The following RTF1 variants were observed in gnomAD, a reference collection of about 807,000 sequenced individuals.
RTF1 encodes the protein RNA polymerase-associated protein RTF1 homolog.
A neutral mutation model predicts 95.7 loss-of-function variants in RTF1; 10 were observed. The observed-to-expected ratio is 0.10, with a 90% confidence interval of 0.06 to 0.18. The LOEUF (loss-of-function observed/expected upper bound fraction) is 0.18. Among genes scored for constraint, RTF1 ranks in the 10% least tolerant of loss-of-function variants. The pLI is 1.00. For synonymous variants in RTF1, 305 were observed against 311.8 expected (o/e 0.98, Z 0.23); for missense variants, 458 against 875.6 (o/e 0.52, Z 6.02).
chr15:41,478,898 C>T, intron 15 of RTF1: 1 of 602,550 alleles, frequency 1.7e-6, no homozygotes, highest in Non-Finnish European at 2.9e-6. Context: ...TGTCCCTTAG[C>T]TAGGGCCTGG....
intron 1 of RTF1, among the ~76,000 whole-genome samples, chr15:41,427,229 G>T (rs1232779378): frequency 7.0e-6 from 1 of 143,262 alleles, no homozygotes; most frequent in African/African-American, 2.6e-5. Flanking sequence ...TCGGCTCACT[G>T]CAAGCTCCGC....
intron 2 of RTF1, among the ~76,000 whole-genome samples, chr15:41,447,288 A>C (rs2050768585): frequency 1.3e-5 from 2 of 152,136 alleles, no homozygotes; most frequent in African/African-American, 4.8e-5. Flanking sequence ...TCCTGCCTTC[A>C]TCATGCTCAA....
chr15:41,429,892 C>T (rs546099393), intron 1 of RTF1, among the ~76,000 whole-genome samples: 1 of 152,044 alleles, frequency 6.6e-6, no homozygotes, highest in South Asian at 2.1e-4. Context: ...TGTTTCTTTA[C>T]TTGTTCATTG....
chr15:41,470,122 C>A lies in RTF1; in HGVS notation c.890-135C>A, dbSNP rs988350852. On this transcript the variant is annotated intron_variant, in intron 6 of 17. Coordinates refer to ENST00000389629, the MANE Select transcript of RTF1 (RefSeq NM_015138.5). ...TGTTTTAACTCATTTCTGTATATAC[C>A]CCAAGTTAGCACAATCCAGTCTAGA... 9.4e-5 allele frequency: 83 copies of A among 882,568 alleles called. No individual in the cohort carries two copies. In the African/African-American group the frequency reaches 1.3e-3, roughly 14 times the overall value. The allele number at this position is 882,568 out of a possible 1,614,324, so 54.7% of individuals were successfully genotyped here. A position where few individuals can be genotyped will look rare whatever the true frequency, so the allele number is the denominator to read the frequency against.
At chr15:41,431,103 A>T (rs888764512) in intron 1 of RTF1, among the ~76,000 whole-genome samples, 4 of 150,440 alleles carry the variant, frequency 2.7e-5, no homozygotes, top group African/African-American at 9.8e-5. Flanking sequence ...ACGGGGTTTC[A>T]TCATGTTGGC....
At position 41,481,377 on chromosome 15, in the gene RTF1, T is replaced by C. The variant is rs567716425; in HGVS notation, c.*690T>C. The C allele has an allele frequency of 1.3e-5, 2 of 152,576 alleles. No individual in the cohort carries two copies. The highest frequency in any genetic ancestry group is 1.3e-4 in the Admixed American group (2 of 15,274). The allele number at this position is 152,576 out of a possible 1,614,324, so 9.5% of individuals were successfully genotyped here. ...TCATGGGTCTATAGCTGTTTCAGAT[T>C]TTTTTCAGCTGTACTTGAGCATCTG... On this transcript the variant is annotated 3_prime_UTR_variant, in exon 18 of 18. Coordinates refer to ENST00000389629, the MANE Select transcript of RTF1 (RefSeq NM_015138.5).
intron 2 of RTF1, 42 bp from the exon 3 acceptor site, chr15:41,452,859 C>T: frequency 6.9e-7 from 1 of 1,442,770 alleles, no homozygotes; most frequent in Middle Eastern, 1.8e-4. Context: ...CAATAAAGTC[C>T]CTATTCCTAT....
intron 3 of RTF1, among the ~76,000 whole-genome samples, chr15:41,456,252 T>C (rs910569626): frequency 1.4e-5 from 2 of 145,804 alleles, no homozygotes; most frequent in East Asian, 2.1e-4. Context: ...TTTGGGAGGC[T>C]GAGGTCGGCG....
intron 3 of RTF1, 75 bp from the exon 4 acceptor site, chr15:41,457,597 T>C (rs994321752): frequency 1.6e-6 from 2 of 1,252,952 alleles, no homozygotes; most frequent in Admixed American, 1.8e-5. Context: ...AGGGTGATGT[T>C]GTCAACATTG....
intron 2 of RTF1, among the ~76,000 whole-genome samples, 168 bp downstream of exon 2, chr15:41,438,599 T>C (rs2050717004): frequency 1.3e-5 from 2 of 152,054 alleles, no homozygotes; most frequent in African/African-American, 2.4e-5. Flanking sequence ...TGTGGCTCTC[T>C]CCTGTAATCC....
intron 15 of RTF1, 80 bp from the exon 16 acceptor site, chr15:41,479,023 T>C: frequency 3.2e-6 from 3 of 946,478 alleles, no homozygotes; most frequent in Non-Finnish European, 5.1e-6. Flanking sequence ...GTGATGTTAG[T>C]TTGGTAGGTG....
intron 1 of RTF1, among the ~76,000 whole-genome samples, chr15:41,427,769 G>T (rs1225917602): frequency 1.3e-5 from 2 of 152,060 alleles, no homozygotes; most frequent in Non-Finnish European, 2.9e-5. Flanking sequence ...GATGCTACTT[G>T]GCATACCTAT....
At chr15:41,477,016 TGTAAA>T in intron 12 of RTF1, 144 bp from the exon 13 acceptor site, 1 of 947,064 alleles carries the variant, frequency 1.1e-6, no homozygotes, top group Non-Finnish European at 1.6e-6. Context: ...ATCTTGTATT[TGTAAA>T]GTACTTCTAC....
At chr15:41,443,318 T>A (rs2050744985) in intron 2 of RTF1, among the ~76,000 whole-genome samples, 1 of 152,198 alleles carries the variant, frequency 6.6e-6, no homozygotes, top group African/African-American at 2.4e-5. Context: ...AACACCAACA[T>A]TTAATGACAG....
At chr15:41,426,774 CAT>C (rs201108073) in intron 1 of RTF1, among the ~76,000 whole-genome samples, 5,030 of 75,028 alleles carry the variant, frequency 0.067, 168 homozygotes, top group Middle Eastern at 0.1. Flanking sequence ...CCAGCCGCTA[CAT>C]ATATATGTGT....
At chr15:41,425,826 G>A (rs2050626216) in intron 1 of RTF1, among the ~76,000 whole-genome samples, 1 of 152,192 alleles carries the variant, frequency 6.6e-6, no homozygotes, top group Non-Finnish European at 1.5e-5. Context: ...TAGATGTTAG[G>A]ATGAGAAGAG....
intron 4 of RTF1, among the ~76,000 whole-genome samples, chr15:41,458,878 C>A (rs920902685): frequency 6.6e-6 from 1 of 151,372 alleles, no homozygotes; most frequent in Admixed American, 6.6e-5. Context: ...TCGAGACCTG[C>A]CTGGCCAACA....
intron 2 of RTF1, among the ~76,000 whole-genome samples, chr15:41,445,736 T>C (rs2050757527): frequency 6.8e-6 from 1 of 147,012 alleles, no homozygotes; most frequent in African/African-American, 2.5e-5. Context: ...CTGACCCCAT[T>C]TTTTTTTTTT....
At chr15:41,453,800 C>T (rs2050799759) in intron 3 of RTF1, among the ~76,000 whole-genome samples, 1 of 150,920 alleles carries the variant, frequency 6.6e-6, no homozygotes, top group African/African-American at 2.4e-5. Context: ...TGAACTTGTT[C>T]CAGGACTAGA....
Sources: allele counts gnomAD v4.1 joint callset (sites outside exome capture counted in the v4.1 genomes callset), GRCh38; gene constraint gnomAD v4.1.1; transcripts MANE v1.5; gene names NCBI Gene and HGNC (gene_info 2026-07-23, HGNC 2026-07-21).